PTPRK: variants seen among roughly 807,000 people sequenced by gnomAD.
PTPRK encodes the protein protein tyrosine phosphatase receptor type K, also known as receptor-type tyrosine-protein phosphatase kappa.
PTPRK carries 75 observed loss-of-function variants against 178.0 expected under a neutral mutation model. The ratio of observed to expected loss-of-function variants is 0.42; its 90% CI spans 0.35 to 0.51. PTPRK has a LOEUF of 0.51. Ranked by LOEUF, PTPRK falls within the 20% of genes least tolerant of loss-of-function variation. The pLI, the probability that PTPRK is intolerant of heterozygous loss-of-function variation, is 0.02. For missense variants in PTPRK, 1,441 were observed against 1,797.8 expected, an observed-to-expected ratio of 0.80 and a Z score of 3.59; for synonymous variants, 637 against 620.6, an observed-to-expected ratio of 1.03 and a Z score of -0.39.
intron 6 of PTPRK, among the ~76,000 whole-genome samples, chr6:128,213,531 T>C (rs1328686215): frequency 6.6e-6 from 1 of 152,056 alleles, no homozygotes; most frequent in Non-Finnish European, 1.5e-5. Flanking sequence ...AATTCCAAAC[T>C]TCCTGTCAAG....
At chr6:128,488,900 A>G (rs973233300) in intron 1 of PTPRK, among the ~76,000 whole-genome samples, 1 of 152,074 alleles carries the variant, frequency 6.6e-6, no homozygotes, top group African/African-American at 2.4e-5. Flanking sequence ...AGTGTTTTAA[A>G]AGTAGGATAA....
chr6:128,433,488 T>G (rs1016864822), intron 1 of PTPRK, among the ~76,000 whole-genome samples: 34 of 139,602 alleles, frequency 2.4e-4, no homozygotes, highest in African/African-American at 1.0e-3. Context: ...TTTCTAATAG[T>G]TTTTTTTTTG....
At chr6:128,516,556 G>C (rs1858059612) in intron 1 of PTPRK, among the ~76,000 whole-genome samples, 1 of 152,114 alleles carries the variant, frequency 6.6e-6, no homozygotes. Context: ...TATCTTCCTA[G>C]CAGGTAATAA....
chr6:128,149,344 AAATAAT>A (rs543650285), intron 7 of PTPRK, among the ~76,000 whole-genome samples: 1 of 152,092 alleles, frequency 6.6e-6, no homozygotes, highest in East Asian at 1.9e-4. Flanking sequence ...ATGGTTAATG[AAATAAT>A]AATAATATTG....
At chr6:128,230,922 A>G (rs1239982062) in intron 5 of PTPRK, 1 of 152,206 alleles carries the variant, frequency 6.6e-6, no homozygotes, top group Non-Finnish European at 1.5e-5. Context: ...TTCATTTATG[A>G]TCAGTTATGT....
chr6:128,323,670 G>C (rs1463037388), intron 2 of PTPRK, among the ~76,000 whole-genome samples: 1 of 152,166 alleles, frequency 6.6e-6, no homozygotes, highest in African/African-American at 2.4e-5. Context: ...GTGACCGATT[G>C]CCACTGAGTG....
At chr6:128,081,407 T>A (rs1017534533) in intron 10 of PTPRK, among the ~76,000 whole-genome samples, 1 of 152,120 alleles carries the variant, frequency 6.6e-6, no homozygotes, top group Admixed American at 6.5e-5. Context: ...TGATACAAAT[T>A]TTTAAAGTTT....
intron 1 of PTPRK, among the ~76,000 whole-genome samples, chr6:128,414,611 G>A (rs1161642643): frequency 2.0e-5 from 3 of 152,142 alleles, no homozygotes; most frequent in Admixed American, 2.0e-4. Flanking sequence ...ATCTTCTGGA[G>A]GAGATTTGTT....
rs79738032 is a variant in PTPRK at position 128,054,107 on chromosome 6, A to C, written c.2194+10651T>G. Among the ~76,000 whole-genome samples, 815 of 152,328 alleles carry C rather than the reference A, an allele frequency of 5.4e-3. 6 individuals carry two copies. The highest frequency in any genetic ancestry group is 0.018 in the African/African-American group (765 of 41,566). On this transcript the variant is annotated intron_variant, in intron 13 of 29. Transcript: ENST00000368226. ...GCAGTTTGAATTCAAGATGCTGTCC[A>C]ATACCAACATAAACTTTCCAGCTTT...
At position 127,973,033 on chromosome 6, in the gene PTPRK, C is replaced by T; in HGVS notation, c.4258G>A (p.Val1420Met). The T allele has an allele frequency of 2.5e-6, 4 of 1,613,998 alleles. No homozygotes were observed. The highest frequency in any genetic ancestry group is 3.4e-6 in the Non-Finnish European group (4 of 1,179,914). ...ATTCTGTGACTCACCGGGGCTTCCA[C>T]CATGTTTGGCTTGCTGTTCCTCAGT... ...KTLRNSKPNM[V>M]EAPEQYRFCY... is the part of the protein sequence containing the mutation. The change falls in exon 29 of 30, where the codon GTG (valine) becomes ATG (methionine). Residue 1420 changes from valine (V) to methionine (M), a missense_variant. Val to Met is a conservative substitution (Grantham distance 21). This residue lies in a region of PTPRK where 335 missense variants were observed against 512.4 expected (regional missense o/e 0.65). Coordinates refer to ENST00000368226, the MANE Select transcript of PTPRK (RefSeq NM_002844.4).
At chr6:128,475,257 CA>C (rs1231166264) in intron 1 of PTPRK, among the ~76,000 whole-genome samples, 1 of 151,954 alleles carries the variant, frequency 6.6e-6, no homozygotes, top group Non-Finnish European at 1.5e-5. Context: ...TTGGATTATA[CA>C]ATATAATATT....
At chr6:128,449,264 A>G (rs1324552484) in intron 1 of PTPRK, among the ~76,000 whole-genome samples, 2 of 152,206 alleles carry the variant, frequency 1.3e-5, no homozygotes, top group Non-Finnish European at 2.9e-5. Flanking sequence ...TCATACTTAC[A>G]CCATTGAAAA....
chr6:128,322,395 G>T, intron 2 of PTPRK, 85 bp from the exon 3 acceptor site: 1 of 1,312,364 alleles, frequency 7.6e-7, no homozygotes, highest in Non-Finnish European at 1.1e-6. Flanking sequence ...AATCCATTCT[G>T]AGCATTAAAT....
At chr6:128,157,111 T>C (rs1228969655) in intron 7 of PTPRK, among the ~76,000 whole-genome samples, 1 of 152,080 alleles carries the variant, frequency 6.6e-6, no homozygotes, top group East Asian at 1.9e-4. Context: ...AGGCAGTTTA[T>C]AGTATTTAAT....
At chr6:128,484,192 T>A (rs758202206) in intron 1 of PTPRK, among the ~76,000 whole-genome samples, 13 of 152,164 alleles carry the variant, frequency 8.5e-5, no homozygotes, top group Non-Finnish European at 1.8e-4. Context: ...GACTTATTCA[T>A]CACCCTTGGT....
chr6:128,295,478 G>A (rs1824172555), intron 3 of PTPRK, among the ~76,000 whole-genome samples: 1 of 152,048 alleles, frequency 6.6e-6, no homozygotes. Context: ...GTAACACTAA[G>A]TAGTAAAAGC....
intron 7 of PTPRK, among the ~76,000 whole-genome samples, chr6:128,130,251 C>T (rs552430147): frequency 1.3e-5 from 2 of 152,282 alleles, no homozygotes; most frequent in Admixed American, 1.3e-4. Flanking sequence ...AATATCAAAT[C>T]TATTTCTGCA....
intron 6 of PTPRK, among the ~76,000 whole-genome samples, chr6:128,204,174 G>A (rs192994949): frequency 6.6e-5 from 10 of 152,152 alleles, no homozygotes; most frequent in African/African-American, 2.4e-4. Flanking sequence ...GCAATGGGGA[G>A]AGGATTCCCT....
At chr6:127,988,253 C>T (rs1372113919) in intron 21 of PTPRK, among the ~76,000 whole-genome samples, 1 of 145,446 alleles carries the variant, frequency 6.9e-6, no homozygotes, top group Non-Finnish European at 1.5e-5. Context: ...ATGAGAGCTC[C>T]AGAGAATGCT....
Sources: gnomAD v4.1 joint callset for allele counts (sites outside exome capture counted in the v4.1 genomes callset) on GRCh38, gnomAD v4.1.1 for gene constraint, gnomAD v4.1.1 regional missense constraint, MANE v1.5 for transcripts, NCBI Gene and HGNC (gene_info 2026-07-23, HGNC 2026-07-21) for gene names.